Variants in AGAP1 observed in about 807,000 individuals in gnomAD.
AGAP1 encodes ArfGAP with GTPase domain, ankyrin repeat and PH domain 1.
In AGAP1, 29 loss-of-function variants were observed where a neutral mutation model predicts 105.3. The observed-to-expected ratio is 0.28, with a 90% CI of 0.21 to 0.38. The LOEUF (loss-of-function observed/expected upper bound fraction) is 0.38, where lower values mean the gene tolerates loss of function less well. Among genes scored for constraint, AGAP1 ranks in the 10% least tolerant of loss-of-function variants. AGAP1 has a pLI of 1.00. For missense variants in AGAP1, 998 were observed against 1,165.1 expected (o/e 0.86, Z 2.09); for synonymous variants, 509 against 485.9 (o/e 1.05, Z -0.63).
intron 9 of AGAP1, among the ~76,000 whole-genome samples, chr2:235,881,689 C>G (rs533258891): frequency 1.3e-5 from 2 of 152,314 alleles, no homozygotes; most frequent in African/African-American, 2.4e-5. Context: ...CAGTGTTGGC[C>G]GTCAGCTTCC....
rs1191003208 is a variant in AGAP1 at position 235,612,984 on chromosome 2, A to T, written c.164-96195A>T. ...TCTCTTTCCCAGGTGAGGTTAGCAA[A>T]TACGTATAGATTGTAACAAGAGAAT... On this transcript the variant is annotated intron_variant, in intron 1 of 17. Coordinates refer to ENST00000304032, the MANE Select transcript of AGAP1 (RefSeq NM_001037131.3). This position sits in a 1 kb window ranked among gnomAD's most constrained non-coding sequence, Gnocchi z 4.3. Among the ~76,000 whole-genome samples the T allele has an allele frequency of 6.6e-6, 1 of 150,982 alleles. No homozygotes were observed. The highest frequency in any genetic ancestry group is 1.5e-5 in the Non-Finnish European group (1 of 67,894).
chr2:235,860,691 G>A (rs1363949937), intron 9 of AGAP1, among the ~76,000 whole-genome samples: 3 of 152,166 alleles, frequency 2.0e-5, no homozygotes, highest in Admixed American at 6.5e-5. Context: ...AAATGTTTCT[G>A]ACATTTTAAT....
intron 1 of AGAP1, among the ~76,000 whole-genome samples, chr2:235,504,119 G>C (rs1941684039): frequency 6.6e-6 from 1 of 152,058 alleles, no homozygotes; most frequent in South Asian, 2.1e-4. Context: ...TAGGTTTACA[G>C]GCTTGAGCCA....
rs1420477633 is a variant in AGAP1, at chr2:235,609,618, G to T, written c.164-99561G>T. ...CATGCGCGCTGAGGATGGCAGAGGG[G>T]CTCCTGCCTGTCTCAGTGCTCTGGG... On this transcript the variant is annotated intron_variant, in intron 1 of 17. Transcript: ENST00000304032. This position sits in a 1 kb window ranked among gnomAD's most constrained non-coding sequence, Gnocchi z 5.1. Among the ~76,000 whole-genome samples, 1 of 152,126 alleles carries T rather than the reference G, an allele frequency of 6.6e-6. No homozygotes were observed. The highest frequency in any genetic ancestry group is 2.4e-5 in the African/African-American group (1 of 41,428).
At chr2:235,833,054 A>AG (rs1166129022) in intron 9 of AGAP1, among the ~76,000 whole-genome samples, 2 of 152,132 alleles carry the variant, frequency 1.3e-5, no homozygotes, top group Non-Finnish European at 2.9e-5. Flanking sequence ...CAAGACCTGG[A>AG]GGGGGCCGGT....
chr2:235,861,889 C>T (rs575025986), intron 9 of AGAP1, among the ~76,000 whole-genome samples: 100 of 152,362 alleles, frequency 6.6e-4, no homozygotes, highest in African/African-American at 2.3e-3. Flanking sequence ...AAAGATCTCT[C>T]TGACATGTTA....
intron 12 of AGAP1, among the ~76,000 whole-genome samples, chr2:235,941,850 G>GC (rs986599075): frequency 1.4e-3 from 42 of 29,334 alleles, no homozygotes; most frequent in African/African-American, 5.5e-3. Context: ...CTTTGTTGTT[G>GC]GGGGGGTAAG....
rs749255040 is a variant in AGAP1 at position 235,714,420 on chromosome 2, A to C, written c.223-3137A>C. Among the ~76,000 whole-genome samples, 1 of 152,050 alleles carries C rather than the reference A, an allele frequency of 6.6e-6. No homozygotes were observed. Among genetic ancestry groups the C allele is most frequent in the Non-Finnish European group, 1.5e-5 (1 of 68,012 alleles). ...TTGAAGGCTTGTCAGAGGAGGTGAC[A>C]TCTGAACTGATAGTAAGAGTAGGTT... On this transcript the variant is annotated intron_variant, in intron 2 of 17. Coordinates refer to ENST00000304032, the MANE Select transcript of AGAP1 (RefSeq NM_001037131.3). The surrounding 1 kb of genome is among the most constrained non-coding windows in gnomAD (Gnocchi z 4.1).
At chr2:235,670,586 G>C (rs1264750532) in intron 1 of AGAP1, 1 of 541,588 alleles carries the variant, frequency 1.8e-6, no homozygotes, top group African/African-American at 2.0e-5. Context: ...CGGGCCTGAG[G>C]CGCCGCAAGG....
chr2:235,543,029 A>T (rs888296325), intron 1 of AGAP1, among the ~76,000 whole-genome samples: 2 of 149,106 alleles, frequency 1.3e-5, no homozygotes, highest in African/African-American at 4.9e-5. Flanking sequence ...CTGTTTGTCG[A>T]GTTGAGCCGG....
intron 13 of AGAP1, among the ~76,000 whole-genome samples, chr2:236,029,141 G>A (rs1208114866): frequency 6.6e-6 from 1 of 151,722 alleles, no homozygotes; most frequent in East Asian, 1.9e-4. Flanking sequence ...TCCCATGGTA[G>A]ACATTGTCAT....
In AGAP1 at chr2:236,042,981, G is replaced by A. The variant is rs577524754; in HGVS notation, c.1891+2140G>A. Among the ~76,000 whole-genome samples, 1 of 152,210 alleles carries A rather than the reference G, an allele frequency of 6.6e-6. No individual in the cohort carries two copies. The highest frequency in any genetic ancestry group is 1.5e-5 in the Non-Finnish European group (1 of 68,050). On this transcript the variant is annotated intron_variant, in intron 15 of 17. Coordinates refer to ENST00000304032, the MANE Select transcript of AGAP1 (RefSeq NM_001037131.3). This position sits in a 1 kb window ranked among gnomAD's most constrained non-coding sequence, Gnocchi z 5.6. The stretch of plus-strand genomic sequence containing the variant: ...GGGGAGGAATTGAGGAGCCTGAAGG[G>A]TCAAGTCATTTGTCTGAGGTCACAG...
intron 3 of AGAP1, 70 bp downstream of exon 3, chr2:235,717,714 A>G (rs1206284170): frequency 3.0e-5 from 40 of 1,317,806 alleles, no homozygotes; most frequent in Non-Finnish European, 3.8e-5. Context: ...AGCATATTAT[A>G]AATCATGACT....
intron 6 of AGAP1, among the ~76,000 whole-genome samples, chr2:235,765,531 G>A (rs904921086): frequency 2.6e-5 from 4 of 152,260 alleles, no homozygotes; most frequent in Admixed American, 2.0e-4. Flanking sequence ...TCACTGCCGC[G>A]TGGTCAGTCC....
At chr2:235,974,981 A>G (rs184820896) in intron 13 of AGAP1, among the ~76,000 whole-genome samples, 20 of 152,370 alleles carry the variant, frequency 1.3e-4, no homozygotes, top group Admixed American at 2.0e-4. Context: ...CGAGAAAGGC[A>G]TGGGAATTCA....
Position 235,799,575 on chromosome 2 carries a change from T to G in AGAP1, c.957+53T>G. ...GAATGCGATTCCGAAGCGTTCCCAT[T>G]AACGTAAACCTGGTTGCCACATGGT... is the stretch of plus-strand genomic sequence containing the variant. On this transcript the variant is annotated intron_variant, in intron 8 of 17. Coordinates refer to ENST00000304032, the MANE Select transcript of AGAP1 (RefSeq NM_001037131.3). This position sits in a 1 kb window ranked among gnomAD's most constrained non-coding sequence, Gnocchi z 5.0. 1.3e-6 allele frequency: 2 copies of G among 1,590,340 alleles called. No homozygotes were observed. The highest frequency in any genetic ancestry group is 1.7e-6 in the Non-Finnish European group (2 of 1,162,228).
rs1251201577 is a variant in AGAP1, at chr2:235,599,836, G to A, written c.163+104987G>A. Among the ~76,000 whole-genome samples the A allele has an allele frequency of 2.0e-5, 3 of 152,190 alleles. No individual in the cohort carries two copies. Among genetic ancestry groups the A allele is most frequent in the Admixed American group, 1.3e-4 (2 of 15,278 alleles). On this transcript the variant is annotated intron_variant, in intron 1 of 17. Coordinates refer to ENST00000304032, the MANE Select transcript of AGAP1 (RefSeq NM_001037131.3). This position sits in a 1 kb window ranked among gnomAD's most constrained non-coding sequence, Gnocchi z 5.3. Reference sequence around the variant, plus strand: ...CAGGGATCCTGGGATGTGATGGCACGGTCAGTCGCCCCTGGTGGAGGCAAT... The same window carrying A: ...CAGGGATCCTGGGATGTGATGGCACAGTCAGTCGCCCCTGGTGGAGGCAAT...
chr2:235,533,717 T>C (rs1401948553), intron 1 of AGAP1, among the ~76,000 whole-genome samples: 3 of 152,144 alleles, frequency 2.0e-5, no homozygotes, highest in Non-Finnish European at 4.4e-5. Context: ...AAGAAATCAG[T>C]GTTGGGATTT....
Position 235,535,945 on chromosome 2 carries a change from C to G in AGAP1, c.163+41096C>G, listed in dbSNP as rs377388233. Among the ~76,000 whole-genome samples, 120 of 152,012 alleles carry G rather than the reference C, an allele frequency of 7.9e-4. No homozygotes were observed. Among genetic ancestry groups the G allele is most frequent in the South Asian group, 2.9e-3 (14 of 4,800 alleles). ...CCTCCTTGGCTGGTGGACGTAAGGC[C>G]CCTCGCCCCATCTGCTTCCTGCTCT... On this transcript the variant is annotated intron_variant, in intron 1 of 17. Coordinates refer to ENST00000304032, the MANE Select transcript of AGAP1 (RefSeq NM_001037131.3). This position sits in a 1 kb window ranked among gnomAD's most constrained non-coding sequence, Gnocchi z 5.1.
Sources: allele counts gnomAD v4.1 joint callset (sites outside exome capture counted in the v4.1 genomes callset), GRCh38; gene constraint gnomAD v4.1.1; non-coding constraint Gnocchi (gnomAD v3.1); transcripts MANE v1.5; gene names NCBI Gene and HGNC (gene_info 2026-07-23, HGNC 2026-07-21).